Variants in SPTLC1 observed in about 807,000 individuals in gnomAD.
The protein encoded by SPTLC1 is serine palmitoyltransferase long chain base subunit 1.
In SPTLC1, 55 loss-of-function variants were observed where a neutral mutation model predicts 68.9. The ratio of observed to expected loss-of-function variants is 0.80; its 90% CI spans 0.64 to 1.00. The LOEUF is 1.00. Among genes scored for constraint, SPTLC1 ranks in the 50% least tolerant of loss-of-function variants. The probability of loss-of-function intolerance (pLI) is 0.00; values close to 1 mark genes in which losing one functional copy is unlikely to be tolerated. For missense variants in SPTLC1, 449 were observed against 573.1 expected (o/e 0.78, Z 2.21); for synonymous variants, 197 against 201.6 (o/e 0.98, Z 0.19).
intron 1 of SPTLC1, 51 bp from the exon 2 acceptor site, chr9:92,112,613 C>T (rs968108901): frequency 8.2e-7 from 1 of 1,219,206 alleles, no homozygotes; most frequent in South Asian, 1.2e-5. Context: ...CTTCTAACAC[C>T]TGCACATAAA....
intron 14 of SPTLC1, 65 bp downstream of exon 14, chr9:92,034,745 A>T (rs1426935908): frequency 7.2e-7 from 1 of 1,384,958 alleles, no homozygotes; most frequent in Non-Finnish European, 1.0e-6. Flanking sequence ...TTTTCAAAAG[A>T]TAACGTATTT....
chr9:92,088,373 C>T (rs1468856445), intron 3 of SPTLC1, among the ~76,000 whole-genome samples: 11 of 152,264 alleles, frequency 7.2e-5, no homozygotes, highest in Admixed American at 7.2e-4. Flanking sequence ...GGAGCTGTTC[C>T]TATTCGGCTA....
chr9:92,099,111 A>T (rs1835648977), intron 3 of SPTLC1, among the ~76,000 whole-genome samples: 1 of 152,218 alleles, frequency 6.6e-6, no homozygotes, highest in African/African-American at 2.4e-5. Flanking sequence ...ATAAAAATAT[A>T]ACCACTAAAT....
At chr9:92,045,494 A>AT (rs1833476514) in intron 12 of SPTLC1, among the ~76,000 whole-genome samples, 1 of 147,926 alleles carries the variant, frequency 6.8e-6, no homozygotes, top group African/African-American at 2.5e-5. Context: ...TTAAAGTATA[A>AT]TAAAAAAAAA....
At chr9:92,050,472 C>T in intron 8 of SPTLC1, 1 of 253,666 alleles carries the variant, frequency 3.9e-6, no homozygotes, top group South Asian at 4.8e-5. Flanking sequence ...CCGTCTATTA[C>T]TCCTAGTGCT....
At chr9:92,092,988 T>C (rs1258500760) in intron 3 of SPTLC1, among the ~76,000 whole-genome samples, 3 of 152,236 alleles carry the variant, frequency 2.0e-5, no homozygotes, top group Non-Finnish European at 2.9e-5. Context: ...ATACGTACTT[T>C]ATTATCTTTC....
chr9:92,059,496 A>C (rs1442339715), intron 6 of SPTLC1, among the ~76,000 whole-genome samples, 188 bp from the exon 7 acceptor site: 1 of 152,218 alleles, frequency 6.6e-6, no homozygotes, highest in Admixed American at 6.5e-5. Context: ...TCACATAACT[A>C]CCATATTTAA....
intron 8 of SPTLC1, among the ~76,000 whole-genome samples, chr9:92,051,593 A>C (rs1211876098): frequency 1.3e-5 from 2 of 152,236 alleles, no homozygotes; most frequent in African/African-American, 4.8e-5. Context: ...CGCCACCTGT[A>C]GTCAACACTG....
intron 3 of SPTLC1, among the ~76,000 whole-genome samples, chr9:92,105,845 T>TG (rs1319905297): frequency 7.9e-6 from 1 of 127,372 alleles, no homozygotes. Flanking sequence ...CCCGGCCTCC[T>TG]CACCGTCTGG....
In SPTLC1 at chr9:92,080,880, G is replaced by A; in HGVS notation, c.344C>T (p.Pro115Leu). 3 of 1,612,590 alleles carry A rather than the reference G, an allele frequency of 1.9e-6. No individual in the cohort carries two copies. The highest frequency in any genetic ancestry group is 2.5e-6 in the Non-Finnish European group (3 of 1,178,684). Residue 115 changes from proline (P) to leucine (L), a missense_variant, in exon 4 of 15, where the codon CCT becomes CTT. Pro to Leu is a moderately conservative substitution (Grantham distance 98, BLOSUM62 -3). Transcript: ENST00000262554. Reference sequence around the variant, plus strand: ...ATATGTGCTACTCACCTTAACCCTAGGGTTATCCAACAATCCAAGAAAATT... The same window carrying A: ...ATATGTGCTACTCACCTTAACCCTAAGGTTATCCAACAATCCAAGAAAATT... Reference protein sequence around the residue: ...SFNFLGLLDNPRVKAAALASL... With the variant: ...SFNFLGLLDNLRVKAAALASL...
At chr9:92,034,930 G>A (rs1446772452) in intron 13 of SPTLC1, 47 bp from the exon 14 acceptor site, 3 of 1,496,518 alleles carry the variant, frequency 2.0e-6, no homozygotes, top group Middle Eastern at 1.7e-4. Context: ...TTCAGACATG[G>A]TGGTAATTAA....
In SPTLC1 at chr9:92,041,419, G is replaced by A. The variant is rs528905936; in HGVS notation, c.1137-3054C>T. 1.6e-4 allele frequency among the ~76,000 whole-genome samples: 24 copies of A among 152,242 alleles called. 1 individual carries two copies. The South Asian group carries it at 5.0e-3, about 32-fold the overall frequency. On this transcript the variant is annotated intron_variant, in intron 12 of 14. Coordinates refer to ENST00000262554, the MANE Select transcript of SPTLC1 (RefSeq NM_006415.4). ...TAAAAATAAGAAAACACACTATGAT[G>A]AAAACACACAAAACCAAATTTACAT...
At chr9:92,110,922 C>T (rs1210421740) in intron 2 of SPTLC1, 1 of 152,174 alleles carries the variant, frequency 6.6e-6, no homozygotes, top group Non-Finnish European at 1.5e-5. Context: ...TCCAAAAACT[C>T]TATAGTCTGA....
chr9:92,035,234 A>T (rs1833104426), intron 13 of SPTLC1, among the ~76,000 whole-genome samples: 1 of 152,244 alleles, frequency 6.6e-6, no homozygotes. Flanking sequence ...TACCATTTAG[A>T]CAAAGCAGAG....
At chr9:92,072,668 T>C (rs1834538610) in intron 5 of SPTLC1, among the ~76,000 whole-genome samples, 1 of 152,166 alleles carries the variant, frequency 6.6e-6, no homozygotes, top group South Asian at 2.1e-4. Context: ...ATTTTTTTTT[T>C]CTGTAACACG....
At chr9:92,070,322 G>A (rs1480373022) in intron 5 of SPTLC1, 2 of 152,182 alleles carry the variant, frequency 1.3e-5, no homozygotes, top group African/African-American at 4.8e-5. Flanking sequence ...GCAGCAAGCA[G>A]GAAAACTACA....
chr9:92,044,112 G>A (rs1288739521), intron 12 of SPTLC1, among the ~76,000 whole-genome samples: 1 of 152,230 alleles, frequency 6.6e-6, no homozygotes, highest in Non-Finnish European at 1.5e-5. Context: ...AACTGGGTGT[G>A]AGACCTGCAG....
chr9:92,078,382 G>C (rs896646994), intron 5 of SPTLC1, among the ~76,000 whole-genome samples: 6 of 152,186 alleles, frequency 3.9e-5, no homozygotes, highest in Non-Finnish European at 8.8e-5. Flanking sequence ...TAGACTAGAG[G>C]AAAGTGGGAG....
chr9:92,095,959 C>A (rs892557281), intron 3 of SPTLC1, among the ~76,000 whole-genome samples: 4 of 152,186 alleles, frequency 2.6e-5, no homozygotes, highest in Non-Finnish European at 2.9e-5. Context: ...CTCCCCTCCT[C>A]CACCCTGAAG....
Sources: allele counts gnomAD v4.1 joint callset (sites outside exome capture counted in the v4.1 genomes callset), GRCh38; gene constraint gnomAD v4.1.1; transcripts MANE v1.5; gene names NCBI Gene and HGNC (gene_info 2026-07-23, HGNC 2026-07-21).